COL11A1: variants seen among roughly 807,000 people sequenced by gnomAD.
The protein encoded by COL11A1 is collagen type XI alpha 1 chain.
In COL11A1, 74 loss-of-function variants were observed where a neutral mutation model predicts 265.2. The ratio of observed to expected loss-of-function variants is 0.28; its 90% CI spans 0.23 to 0.34. The LOEUF (loss-of-function observed/expected upper bound fraction) is 0.34. Ranked by LOEUF, COL11A1 falls within the 10% of genes least tolerant of loss-of-function variation. The pLI, the probability that COL11A1 is intolerant of heterozygous loss-of-function variation, is 1.00. For synonymous variants in COL11A1, 816 were observed against 727.6 expected (o/e 1.12, Z -1.96); for missense variants, 2,165 against 2,263.6 (o/e 0.96, Z 0.88).
intron 35 of COL11A1, among the ~76,000 whole-genome samples, chr1:102,976,641 A>C (rs1662524695): frequency 6.6e-6 from 1 of 152,066 alleles, no homozygotes; most frequent in Non-Finnish European, 1.5e-5. Context: ...TCCAGGTGGG[A>C]TTTTAAGAAA....
chr1:103,064,522 C>T (rs4357546), intron 4 of COL11A1, among the ~76,000 whole-genome samples: 141,951 of 151,532 alleles, frequency 0.94, 66,707 homozygotes, highest in East Asian at 1. Context: ...AACCTGTCTT[C>T]ACTAAAAACA....
intron 24 of COL11A1, 105 bp downstream of exon 24, chr1:103,001,820 C>G: frequency 1.1e-6 from 1 of 943,034 alleles, no homozygotes; most frequent in Non-Finnish European, 1.8e-6. Flanking sequence ...ATGTGCTGAG[C>G]TATCTAGATA....
At position 103,031,103 on chromosome 1, in the gene COL11A1, T is replaced by A. The variant is rs1322678821; in HGVS notation, c.780+13A>T. ...TGAAATACGAAGACCTTCTCTGGTC[T>A]TGTGCTCCTCACCTCATCTATCTGA... On this transcript the variant is annotated intron_variant, in intron 5 of 66. Coordinates refer to ENST00000370096, the MANE Select transcript of COL11A1 (RefSeq NM_001854.4). 1.2e-6 allele frequency: 2 copies of A among 1,613,340 alleles called. No homozygotes were observed. Among genetic ancestry groups the A allele is most frequent in the Non-Finnish European group, 1.7e-6 (2 of 1,179,504 alleles).
In COL11A1 at chr1:103,002,800, A is replaced by G. The variant is rs1226084874; in HGVS notation, c.1999-9T>C. The G allele has an allele frequency of 7.4e-6, 12 of 1,612,362 alleles. No homozygotes were observed. The highest frequency in any genetic ancestry group is 6.6e-5 in the South Asian group (6 of 91,044). On this transcript the variant is annotated splice_polypyrimidine_tract_variant and intron_variant, in intron 21 of 66. Transcript: ENST00000370096. ...TCTACACCTGCCATACCCTGCAATGAAGAAAAAGTATTTATGGTTGTTTAT... is the reference window on the plus strand; with the variant it reads ...TCTACACCTGCCATACCCTGCAATGGAGAAAAAGTATTTATGGTTGTTTAT...
Position 103,006,057 on chromosome 1 carries a change from G to A in COL11A1, c.1791+11C>T, listed in dbSNP as rs1571009309. ...ACAGGATGTGAATATAAAAATATGT[G>A]AGCTCCTGACCTTTGCCCCAGGTTC... On this transcript the variant is annotated intron_variant, in intron 17 of 66. Coordinates refer to ENST00000370096, the MANE Select transcript of COL11A1 (RefSeq NM_001854.4). 6.2e-6 allele frequency: 10 copies of A among 1,613,816 alleles called. No individual in the cohort carries two copies. In the East Asian group the frequency reaches 2.2e-4, roughly 36 times the overall value.
At chr1:102,942,156 C>CTGTG (rs1468167149) in intron 42 of COL11A1, among the ~76,000 whole-genome samples, 1 of 152,134 alleles carries the variant, frequency 6.6e-6, no homozygotes, top group East Asian at 1.9e-4. Flanking sequence ...ATAGGATGTG[C>CTGTG]TGTGCTATTC....
At position 102,890,433 on chromosome 1, in the gene COL11A1, A is replaced by G; in HGVS notation, c.4356+18T>C. ...AAAAGCATATTCTTTTATTAATAAC[A>G]CATTCTTTTATTCTCACCTTTTCAC... is the stretch of plus-strand genomic sequence containing the variant. On this transcript the variant is annotated intron_variant, in intron 58 of 66. Transcript: ENST00000370096. 6.3e-7 allele frequency: 1 copy of G among 1,597,734 alleles called. No individual in the cohort carries two copies. Among genetic ancestry groups the G allele is most frequent in the Non-Finnish European group, 8.5e-7 (1 of 1,169,686 alleles).
At chr1:102,970,159 G>T in intron 37 of COL11A1, 60 bp downstream of exon 37, 2 of 1,333,586 alleles carry the variant, frequency 1.5e-6, no homozygotes. Flanking sequence ...AGCTTTCTAT[G>T]TATGAACTGA....
At chr1:103,094,356 G>T (rs1235926079) in intron 1 of COL11A1, among the ~76,000 whole-genome samples, 2 of 152,114 alleles carry the variant, frequency 1.3e-5, no homozygotes, top group African/African-American at 4.8e-5. Context: ...ATTCAAGACT[G>T]CTTTTGCCTT....
chr1:102,946,571 C>A (rs890108701), intron 42 of COL11A1, among the ~76,000 whole-genome samples: 10 of 147,334 alleles, frequency 6.8e-5, no homozygotes, highest in African/African-American at 2.5e-4. Flanking sequence ...AAACTCACAA[C>A]TTTTTTTTTT....
Position 102,979,172 on chromosome 1 carries a change from G to C in COL11A1, c.2611-68C>G. Reference sequence around the variant, plus strand: ...AAATTATGAGCCTGGTGCTGAGACTGAGTAGTCATGCAAGAACATCATTCA... The same window carrying C: ...AAATTATGAGCCTGGTGCTGAGACTCAGTAGTCATGCAAGAACATCATTCA... On this transcript the variant is annotated intron_variant, in intron 32 of 66. Coordinates refer to ENST00000370096, the MANE Select transcript of COL11A1 (RefSeq NM_001854.4). The C allele has an allele frequency of 2.1e-6, 3 of 1,409,274 alleles. 1 individual carries two copies. In the South Asian group the frequency reaches 3.5e-5, roughly 16 times the overall value. 87.3% of individuals were successfully genotyped at this position (1,409,274 alleles called of 1,614,324 possible). A position where few individuals can be genotyped will look rare whatever the true frequency, so the allele number is the denominator to read the frequency against.
chr1:103,054,745 T>A (rs1670106082), intron 4 of COL11A1, among the ~76,000 whole-genome samples: 1 of 151,792 alleles, frequency 6.6e-6, no homozygotes, highest in Non-Finnish European at 1.5e-5. Flanking sequence ...CTACTAAAAT[T>A]ACAAAATTAG....
intron 4 of COL11A1, among the ~76,000 whole-genome samples, chr1:103,059,666 T>C (rs1418340236): frequency 6.6e-6 from 1 of 152,048 alleles, no homozygotes; most frequent in Non-Finnish European, 1.5e-5. Context: ...AGCAGAAAGA[T>C]GATAACTGTA....
At chr1:102,924,802 C>T (rs1242488342) in intron 46 of COL11A1, among the ~76,000 whole-genome samples, 2 of 151,942 alleles carry the variant, frequency 1.3e-5, no homozygotes, top group Admixed American at 1.3e-4. Flanking sequence ...TACTAATACT[C>T]TAAACATGAA....
At chr1:103,067,427 T>G (rs1671241324) in intron 4 of COL11A1, among the ~76,000 whole-genome samples, 1 of 151,860 alleles carries the variant, frequency 6.6e-6, no homozygotes, top group African/African-American at 2.4e-5. Context: ...GAAAATTATT[T>G]TAACTAAATA....
At chr1:103,033,173 T>A (rs908019690) in intron 4 of COL11A1, among the ~76,000 whole-genome samples, 4 of 152,124 alleles carry the variant, frequency 2.6e-5, no homozygotes, top group Admixed American at 2.6e-4. Context: ...TGTTAGTACT[T>A]CATTCCTCTT....
chr1:103,051,403 C>T (rs1349240935), intron 4 of COL11A1, among the ~76,000 whole-genome samples: 1 of 152,216 alleles, frequency 6.6e-6, no homozygotes, highest in Admixed American at 6.5e-5. Context: ...CCCTCTGAGC[C>T]ATGTGCGGGA....
intron 35 of COL11A1, 84 bp from the exon 36 acceptor site, chr1:102,974,967 A>C: frequency 1.0e-6 from 1 of 963,962 alleles, no homozygotes; most frequent in Non-Finnish European, 1.7e-6. Flanking sequence ...TTACATAGAC[A>C]AAATACAATG....
At chr1:102,996,291 CTAA>C (rs1305773288) in intron 26 of COL11A1, among the ~76,000 whole-genome samples, 2 of 151,910 alleles carry the variant, frequency 1.3e-5, no homozygotes, top group Admixed American at 1.3e-4. Flanking sequence ...TTGAAATGGA[CTAA>C]TAAGGCAAAT....
Sources: allele counts gnomAD v4.1 joint callset (sites outside exome capture counted in the v4.1 genomes callset), GRCh38; gene constraint gnomAD v4.1.1; transcripts MANE v1.5; gene names NCBI Gene and HGNC (gene_info 2026-07-23, HGNC 2026-07-21).